GPR108: variants seen among roughly 807,000 people sequenced by gnomAD.
The protein encoded by GPR108 is protein GPR108.
GPR108 carries 60 observed loss-of-function variants against 74.3 expected under a neutral mutation model. The ratio of observed to expected loss-of-function variants is 0.81; its 90% CI spans 0.66 to 1.00. The LOEUF (loss-of-function observed/expected upper bound fraction) is 1.00, where lower values mean the gene tolerates loss of function less well. GPR108 is among the 50% of genes least tolerant of loss of function. The pLI is 0.00. For missense variants in GPR108, 667 were observed against 703.3 expected (o/e 0.95, Z 0.58); for synonymous variants, 311 against 292.4 (o/e 1.06, Z -0.65).
chr19:6,731,630 A>C (rs1968407086), intron 14 of GPR108, 108 bp from the exon 15 acceptor site: 2 of 992,590 alleles, frequency 2.0e-6, no homozygotes, highest in African/African-American at 1.6e-5. Context: ...GGGAGTGTCC[A>C]GGAGCAGCAA....
At chr19:6,733,418 G>T in intron 8 of GPR108, 117 bp from the exon 9 acceptor site, 1 of 1,305,176 alleles carries the variant, frequency 7.7e-7, no homozygotes, top group South Asian at 1.3e-5. Flanking sequence ...CATCCACTCT[G>T]AGCCTCAGTT....
At chr19:6,735,828 C>G in intron 3 of GPR108, 80 bp downstream of exon 3, 1 of 1,540,614 alleles carries the variant, frequency 6.5e-7, no homozygotes, top group Non-Finnish European at 8.9e-7. Flanking sequence ...AACAGGGGCC[C>G]TTGGGTTACA....
chr19:6,732,387 G>C lies in GPR108; in HGVS notation c.1008-7C>G. ...GAGGAGGGCGCCCTTCAGCCTGAAG[G>C]AGCAGGGGAGGGCGTGATGATGAGG... is the stretch of plus-strand genomic sequence containing the variant. On this transcript the variant is annotated splice_polypyrimidine_tract_variant and splice_region_variant and intron_variant, in intron 11 of 17. Transcript: ENST00000264080. The C allele has an allele frequency of 6.2e-7, 1 of 1,613,340 alleles. No individual in the cohort carries two copies. Among genetic ancestry groups the C allele is most frequent in the Non-Finnish European group, 8.5e-7 (1 of 1,179,868 alleles).
intron 3 of GPR108, 97 bp from the exon 4 acceptor site, chr19:6,735,801 T>TC (rs1220381828): frequency 6.6e-7 from 1 of 1,525,910 alleles, no homozygotes; most frequent in Non-Finnish European, 9.0e-7. Context: ...ATCTTCCTGC[T>TC]CCTGCCTCTG....
At chr19:6,735,476 A>C (rs1968596617) in intron 4 of GPR108, 146 bp downstream of exon 4, 1 of 691,402 alleles carries the variant, frequency 1.4e-6, no homozygotes, top group Non-Finnish European at 2.5e-6. Flanking sequence ...TCCTTCCAAC[A>C]ATCAGAAGAC....
intron 1 of GPR108, chr19:6,737,244 G>A (rs1968676561): frequency 1.0e-5 from 6 of 581,742 alleles, no homozygotes; most frequent in Non-Finnish European, 1.7e-5. Context: ...CCGAAGGGAG[G>A]GGGCCGACCC....
intron 10 of GPR108, 49 bp downstream of exon 10, chr19:6,732,938 G>T: frequency 6.7e-7 from 1 of 1,499,860 alleles, no homozygotes; most frequent in Non-Finnish European, 9.1e-7. Flanking sequence ...GATGGCCCGG[G>T]TGGGCCTTTC....
chr19:6,730,871 T>C, intron 17 of GPR108, 116 bp downstream of exon 17: 1 of 1,143,806 alleles, frequency 8.7e-7, no homozygotes, highest in Non-Finnish European at 1.2e-6. Context: ...GGCTCTGCCC[T>C]AACACTGCCC....
chr19:6,737,570 C>T lies in GPR108; in HGVS notation c.7G>A (p.Val3Met), dbSNP rs568511996. Residue 3 changes from valine to methionine, a missense_variant, in exon 1 of 18, where the codon GTG (valine) becomes ATG (methionine). Coordinates refer to ENST00000264080, the MANE Select transcript of GPR108 (RefSeq NM_001080452.2). ...CGGCCGAGCCCCCTCCTCTCGCTCA[C>T]TGCCATCTCTGGAGCCACCTCCTCC... is the stretch of plus-strand genomic sequence containing the variant. MA[V>M]SERRGLGRGS... The T allele has an allele frequency of 1.7e-5, 25 of 1,495,586 alleles. No individual in the cohort carries two copies. In the South Asian group the frequency reaches 2.8e-4, roughly 16 times the overall value. 92.6% of individuals were successfully genotyped at this position (1,495,586 alleles called of 1,614,324 possible). A position where few individuals can be genotyped will look rare whatever the true frequency, so the allele number is the denominator to read the frequency against.
chr19:6,732,908 G>A lies in GPR108; in HGVS notation c.933+79C>T, dbSNP rs1013813004. On this transcript the variant is annotated intron_variant, in intron 10 of 17. Coordinates refer to ENST00000264080, the MANE Select transcript of GPR108 (RefSeq NM_001080452.2). ...GGCGGATGGCCCTCCCACAGGCCCA[G>A]GGTCTGCAGAGATTTGGGGGATGGC... The A allele has an allele frequency of 8.3e-6, 11 of 1,319,592 alleles. No homozygotes were observed. The African/African-American group carries it at 1.6e-4, about 19-fold the overall frequency. 81.7% of individuals were successfully genotyped at this position (1,319,592 alleles called of 1,614,324 possible).
intron 17 of GPR108, 89 bp from the exon 18 acceptor site, chr19:6,730,473 C>A: frequency 9.4e-7 from 1 of 1,059,878 alleles, no homozygotes; most frequent in Non-Finnish European, 1.4e-6. Context: ...CCGCCCCACT[C>A]CCCCCAACCA....
At chr19:6,734,916 T>A (rs1185467676) in intron 4 of GPR108, among the ~76,000 whole-genome samples, 3 of 151,158 alleles carry the variant, frequency 2.0e-5, no homozygotes, top group African/African-American at 7.3e-5. Context: ...GCTCTTGATC[T>A]GTCGTCCAGG....
chr19:6,737,410 G>C, intron 1 of GPR108, 47 bp downstream of exon 1: 1 of 1,568,490 alleles, frequency 6.4e-7, no homozygotes, highest in Non-Finnish European at 8.6e-7. Flanking sequence ...GCTTCTCCGA[G>C]ACAAAGTTGC....
Position 6,731,475 on chromosome 19 carries a change from T to C in GPR108, c.1348A>G (p.Met450Val), listed in dbSNP as rs1968398581. ...CTGTGAGTGAGGCGGGCTCCTACCA[T>C]GACATAGTAATGCCGGAACAGCTTC... is the stretch of plus-strand genomic sequence containing the variant. ...KLKLFRHYYV[M>V]VICYVYFTRI... The change falls in exon 15 of 18, where the codon ATG becomes GTG. Residue 450 changes from methionine (M) to valine (V), a missense_variant and splice_region_variant. By Grantham distance (21) the Met-to-Val change is conservative. Transcript: ENST00000264080. The C allele has an allele frequency of 6.5e-7, 1 of 1,538,538 alleles. No homozygotes were observed. Among genetic ancestry groups the C allele is most frequent in the African/African-American group, 1.4e-5 (1 of 71,662 alleles).
chr19:6,731,949 G>C lies in GPR108; in HGVS notation c.1257-15C>G, dbSNP rs758209895. 1 of 1,613,244 alleles carries C rather than the reference G, an allele frequency of 6.2e-7. No individual in the cohort carries two copies. The highest frequency in any genetic ancestry group is 1.1e-5 in the South Asian group (1 of 90,994). On this transcript the variant is annotated splice_polypyrimidine_tract_variant and intron_variant, in intron 13 of 17. Transcript: ENST00000264080. Reference sequence around the variant, plus strand: ...GCCGGATGGACCTGGGACAAGTGGAGGACACAGGGTACGGTCAGCGCGGAC... The same window carrying C: ...GCCGGATGGACCTGGGACAAGTGGACGACACAGGGTACGGTCAGCGCGGAC...
chr19:6,732,414 G>A (rs1968450038), intron 11 of GPR108, 34 bp from the exon 12 acceptor site: 1 of 1,609,880 alleles, frequency 6.2e-7, no homozygotes, highest in Admixed American at 1.7e-5. Flanking sequence ...ATGATGAGGT[G>A]GGGGGCCAAC....
chr19:6,733,028 C>A lies in GPR108; in HGVS notation c.892G>T (p.Ala298Ser). 1.2e-6 allele frequency: 2 copies of A among 1,611,740 alleles called. No individual in the cohort carries two copies. The highest frequency in any genetic ancestry group is 1.7e-6 in the Non-Finnish European group (2 of 1,178,984). ...GAGATGCTCTTGGTGAAGGCCAAGG[C>A]CGCCATGAGCCAGTGGATCTTGAAG... ...SVFKIHWLMA[A>S]LAFTKSISLL... is the part of the protein sequence containing the mutation. The change falls in exon 10 of 18, where the codon GCC (alanine) becomes TCC (serine). Residue 298 changes from alanine to serine, a missense_variant. By Grantham distance (99) the Ala-to-Ser change is moderately conservative. Coordinates refer to ENST00000264080, the MANE Select transcript of GPR108 (RefSeq NM_001080452.2).
At position 6,735,559 on chromosome 19, in the gene GPR108, G is replaced by A. The variant is rs1027068087; in HGVS notation, c.374+63C>T. The A allele has an allele frequency of 3.6e-6, 5 of 1,384,806 alleles. No individual in the cohort carries two copies. The African/African-American group carries it at 5.7e-5, about 16-fold the overall frequency. The allele number at this position is 1,384,806 out of a possible 1,614,324, so 85.8% of individuals were successfully genotyped here. A position where few individuals can be genotyped will look rare whatever the true frequency, so the allele number is the denominator to read the frequency against. On this transcript the variant is annotated intron_variant, in intron 4 of 17. Transcript: ENST00000264080. ...TCCCACCTGATCAGCCCAGGTGCGT[G>A]TGGGCATCACACCAGGGAAACGCAG...
chr19:6,733,464 T>G (rs1346045103), intron 8 of GPR108, 106 bp downstream of exon 8: 1 of 1,355,706 alleles, frequency 7.4e-7, no homozygotes, highest in Non-Finnish European at 1.0e-6. Flanking sequence ...CAGCTCCTAC[T>G]TCGCACCCGG....
Sources: allele counts gnomAD v4.1 joint callset (sites outside exome capture counted in the v4.1 genomes callset), GRCh38; gene constraint gnomAD v4.1.1; transcripts MANE v1.5; gene names NCBI Gene and HGNC (gene_info 2026-07-23, HGNC 2026-07-21).